JARID2: variants seen among roughly 807,000 people sequenced by gnomAD.
The protein encoded by JARID2 is jumonji and AT-rich interaction domain containing 2.
JARID2 carries 21 observed loss-of-function variants against 125.6 expected under a neutral mutation model. That is an observed-to-expected ratio of 0.17 (90% CI 0.12 to 0.24). The LOEUF is 0.24. Among genes scored for constraint, JARID2 ranks in the 10% least tolerant of loss-of-function variants. The pLI, the probability that JARID2 is intolerant of heterozygous loss-of-function variation, is 1.00. For missense variants in JARID2, 1,303 were observed against 1,639.6 expected (o/e 0.79, Z 3.55); for synonymous variants, 736 against 661.6 (o/e 1.11, Z -1.73).
At chr6:15,357,773 G>C (rs1270519309) in intron 1 of JARID2, among the ~76,000 whole-genome samples, 1 of 152,144 alleles carries the variant, frequency 6.6e-6, no homozygotes, top group Non-Finnish European at 1.5e-5. Context: ...GCTGTTTCCG[G>C]ATGCTATGTT....
chr6:15,449,065 G>C, intron 3 of JARID2, among the ~76,000 whole-genome samples: 1 of 151,900 alleles, frequency 6.6e-6, no homozygotes, highest in East Asian at 1.9e-4. Flanking sequence ...ATGAAGCTCT[G>C]TGATTGTCGG....
At chr6:15,272,178 G>A (rs1204275361) in intron 1 of JARID2, among the ~76,000 whole-genome samples, 1 of 152,252 alleles carries the variant, frequency 6.6e-6, no homozygotes, top group African/African-American at 2.4e-5. Flanking sequence ...TGATGCAATT[G>A]TAAGGCTTGA....
chr6:15,257,178 T>C (rs935913664), intron 1 of JARID2, among the ~76,000 whole-genome samples: 2 of 152,212 alleles, frequency 1.3e-5, no homozygotes, highest in Non-Finnish European at 1.5e-5. Context: ...CAGTTATTCA[T>C]GGTAACTGCA....
intron 11 of JARID2, among the ~76,000 whole-genome samples, 178 bp downstream of exon 11, chr6:15,507,594 G>A (rs1023916137): frequency 6.6e-6 from 1 of 152,226 alleles, no homozygotes; most frequent in African/African-American, 2.4e-5. Context: ...AATGATTGGT[G>A]AAGTCAGTAG....
intron 1 of JARID2, among the ~76,000 whole-genome samples, chr6:15,266,784 T>A (rs1402959051): frequency 6.6e-6 from 1 of 152,204 alleles, no homozygotes; most frequent in Non-Finnish European, 1.5e-5. Context: ...CAGAGTCATC[T>A]CATGACCCCA....
At chr6:15,518,483 G>A (rs759232965) in intron 17 of JARID2, among the ~76,000 whole-genome samples, 32 of 152,284 alleles carry the variant, frequency 2.1e-4, no homozygotes, top group Non-Finnish European at 3.7e-4. Flanking sequence ...CTGTTGAGCT[G>A]TGCATTTTTT....
intron 1 of JARID2, among the ~76,000 whole-genome samples, chr6:15,298,394 A>G (rs1437399906): frequency 6.6e-6 from 1 of 152,050 alleles, no homozygotes; most frequent in Non-Finnish European, 1.5e-5. Flanking sequence ...TCAGAATTCC[A>G]TGGGTATCTT....
At chr6:15,378,858 A>G (rs1484054259) in intron 2 of JARID2, among the ~76,000 whole-genome samples, 1 of 152,240 alleles carries the variant, frequency 6.6e-6, no homozygotes, top group Non-Finnish European at 1.5e-5. Flanking sequence ...TGGATTTTAC[A>G]GAATTTTTAT....
intron 1 of JARID2, among the ~76,000 whole-genome samples, chr6:15,261,275 C>T (rs1395851523): frequency 1.3e-5 from 2 of 149,172 alleles, no homozygotes; most frequent in African/African-American, 4.9e-5. Context: ...TATATACGGT[C>T]TATGAAGGCC....
chr6:15,492,405 T>A (rs1770195780), intron 6 of JARID2, among the ~76,000 whole-genome samples: 1 of 152,198 alleles, frequency 6.6e-6, no homozygotes, highest in Non-Finnish European at 1.5e-5. Flanking sequence ...TGTAGTGCAC[T>A]GGCTGCATAA....
At chr6:15,343,227 CAAAAAAAAAAAA>C (rs11471181) in intron 1 of JARID2, among the ~76,000 whole-genome samples, 1 of 74,950 alleles carries the variant, frequency 1.3e-5, no homozygotes, top group Non-Finnish European at 2.5e-5. Context: ...GAAACTCCGT[CAAAAAAAAAAAA>C]AAAAAAAAAA....
At chr6:15,456,818 T>C (rs1768196782) in intron 4 of JARID2, among the ~76,000 whole-genome samples, 2 of 152,056 alleles carry the variant, frequency 1.3e-5, no homozygotes, top group South Asian at 2.1e-4. Flanking sequence ...GTGATCCCTG[T>C]TGTTGTGGTA....
chr6:15,507,338 C>G lies in JARID2; in HGVS notation c.2661-8C>G. ...AGTTTGTAACGTCCCTCGTCTTCCC[C>G]TTTGCAGGCATGGATGGAACCTCAC... is the stretch of plus-strand genomic sequence containing the variant. On this transcript the variant is annotated splice_region_variant and splice_polypyrimidine_tract_variant and intron_variant, in intron 10 of 17. Transcript: ENST00000341776. The G allele has an allele frequency of 1.9e-6, 3 of 1,613,706 alleles. No homozygotes were observed. The highest frequency in any genetic ancestry group is 1.1e-5 in the South Asian group (1 of 91,054).
intron 5 of JARID2, among the ~76,000 whole-genome samples, chr6:15,480,495 A>G (rs1039628621): frequency 1.3e-5 from 2 of 152,182 alleles, no homozygotes; most frequent in Non-Finnish European, 2.9e-5. Flanking sequence ...AGGTGCCTTT[A>G]TTAGCATGGG....
chr6:15,381,550 G>A (rs1689244503), intron 2 of JARID2, among the ~76,000 whole-genome samples: 1 of 152,038 alleles, frequency 6.6e-6, no homozygotes, highest in South Asian at 2.1e-4. Context: ...AAAGAAAGCT[G>A]GGTGAAATGA....
At chr6:15,365,599 T>C (rs1763947150) in intron 1 of JARID2, among the ~76,000 whole-genome samples, 1 of 151,666 alleles carries the variant, frequency 6.6e-6, no homozygotes, top group African/African-American at 2.4e-5. Context: ...GCAGAAGTTC[T>C]TAATCCAATT....
Position 15,426,291 on chromosome 6 carries a change from C to T in JARID2, c.323+15926C>T, listed in dbSNP as rs1581546874. Among the ~76,000 whole-genome samples the T allele has an allele frequency of 3.9e-5, 6 of 152,252 alleles. No individual in the cohort carries two copies. In the South Asian group the frequency reaches 1.2e-3, roughly 32 times the overall value. On this transcript the variant is annotated intron_variant, in intron 3 of 17. Transcript: ENST00000341776. ...CTAGAAGGCTTTGTGTGCTTCAGGG[C>T]ATTCTCTTTACCGATGGACTTCACA... is the stretch of plus-strand genomic sequence containing the variant.
At chr6:15,362,041 G>A (rs1446147249) in intron 1 of JARID2, among the ~76,000 whole-genome samples, 1 of 151,796 alleles carries the variant, frequency 6.6e-6, no homozygotes, top group Non-Finnish European at 1.5e-5. Context: ...GACTACACAT[G>A]TACCAGCATG....
At chr6:15,461,882 C>CTTTT (rs112020845) in intron 4 of JARID2, among the ~76,000 whole-genome samples, 1 of 145,148 alleles carries the variant, frequency 6.9e-6, no homozygotes. Flanking sequence ...GTGATGGTAT[C>CTTTT]TTTTTTTTTT....
Sources: gnomAD v4.1 joint callset for allele counts (sites outside exome capture counted in the v4.1 genomes callset) on GRCh38, gnomAD v4.1.1 for gene constraint, MANE v1.5 for transcripts, NCBI Gene and HGNC (gene_info 2026-07-23, HGNC 2026-07-21) for gene names.